Variants in EVC2 observed in about 807,000 individuals in gnomAD.
EVC2 encodes limbin.
In EVC2, 148 loss-of-function variants were observed where a neutral mutation model predicts 149.3. That is an observed-to-expected ratio of 0.99 (90% confidence interval 0.87 to 1.14). The LOEUF (loss-of-function observed/expected upper bound fraction) is 1.14. Among genes scored for constraint, EVC2 ranks in the 50% most tolerant of loss-of-function variants. EVC2 has a pLI of 0.00. For missense variants in EVC2, 1,854 were observed against 1,627.3 expected, an observed-to-expected ratio of 1.14 and a Z score of -2.40; for synonymous variants, 776 against 649.9, an observed-to-expected ratio of 1.19 and a Z score of -2.95.
At chr4:5,635,624 C>A (rs917021728) in intron 10 of EVC2, among the ~76,000 whole-genome samples, 1 of 152,184 alleles carries the variant, frequency 6.6e-6, no homozygotes, top group African/African-American at 2.4e-5. Flanking sequence ...TCGAAAGTGA[C>A]GACTGTGCTG....
chr4:5,584,923 T>C, intron 16 of EVC2, 73 bp from the exon 17 acceptor site: 1 of 1,524,838 alleles, frequency 6.6e-7, no homozygotes, highest in Non-Finnish European at 9.1e-7. Flanking sequence ...ACAAACAGCC[T>C]TTCAGAGTTC....
rs1164974506 is a variant in EVC2, at chr4:5,670,162, A to G, written c.871-4513T>C. 1.3e-5 allele frequency among the ~76,000 whole-genome samples: 2 copies of G among 152,214 alleles called. No individual in the cohort carries two copies. The highest frequency in any genetic ancestry group is 4.8e-5 in the African/African-American group (2 of 41,464). ...TTTTATGAGAAGAAGGAGGCTCCAT[A>G]TAATCACTACCATCACTATCATCAT... On this transcript the variant is annotated intron_variant, in intron 7 of 21. Coordinates refer to ENST00000344408, the MANE Select transcript of EVC2 (RefSeq NM_147127.5). The surrounding 1 kb of genome is among the most constrained non-coding windows in gnomAD (Gnocchi z 5.2).
intron 7 of EVC2, among the ~76,000 whole-genome samples, chr4:5,673,942 C>A (rs1041567430): frequency 6.6e-6 from 1 of 152,208 alleles, no homozygotes; most frequent in Non-Finnish European, 1.5e-5. Context: ...AAGAAGAGGA[C>A]ATTTCTTCAA....
Position 5,576,135 on chromosome 4 carries a change from A to G in EVC2, c.3272+105T>C. On this transcript the variant is annotated intron_variant, in intron 18 of 21. Coordinates refer to ENST00000344408, the MANE Select transcript of EVC2 (RefSeq NM_147127.5). The surrounding 1 kb of genome is among the most constrained non-coding windows in gnomAD (Gnocchi z 4.5). ...GCAATGGGATGACACCTTAGGCAAGAGGGTGAGAGCCCAGGTGGGTATGGG... is the reference window on the plus strand; with the variant it reads ...GCAATGGGATGACACCTTAGGCAAGGGGGTGAGAGCCCAGGTGGGTATGGG... 6.3e-7 allele frequency: 1 copy of G among 1,588,896 alleles called. No individual in the cohort carries two copies. Among genetic ancestry groups the G allele is most frequent in the East Asian group, 2.2e-5 (1 of 44,694 alleles).
At chr4:5,659,426 G>C (rs1451721996) in intron 9 of EVC2, among the ~76,000 whole-genome samples, 1 of 151,530 alleles carries the variant, frequency 6.6e-6, no homozygotes, top group African/African-American at 2.4e-5. Context: ...AAAAAAGACT[G>C]GGTTCTTAAA....
intron 21 of EVC2, among the ~76,000 whole-genome samples, chr4:5,552,407 A>C (rs13138291): frequency 0.2 from 30,127 of 152,198 alleles, 4,014 homozygotes; most frequent in Non-Finnish European, 0.29. Flanking sequence ...TATTTCTTAG[A>C]GTTAATAACT....
intron 21 of EVC2, among the ~76,000 whole-genome samples, chr4:5,547,076 G>T (rs1165014096): frequency 6.6e-6 from 1 of 152,212 alleles, no homozygotes; most frequent in East Asian, 1.9e-4. Flanking sequence ...GTCCAGGAAG[G>T]CCCCCATGCC....
chr4:5,669,474 G>A (rs952052459), intron 7 of EVC2, among the ~76,000 whole-genome samples: 1 of 152,212 alleles, frequency 6.6e-6, no homozygotes, highest in African/African-American at 2.4e-5. Context: ...TTACTGTCCA[G>A]GGGGCTGTAT....
chr4:5,622,870 T>A lies in EVC2; in HGVS notation c.2168A>T (p.Glu723Val). 2 of 1,614,090 alleles carry A rather than the reference T, an allele frequency of 1.2e-6. No individual in the cohort carries two copies. Among genetic ancestry groups the A allele is most frequent in the Non-Finnish European group, 1.7e-6 (2 of 1,180,012 alleles). ...LMEEHGATLE[E>V]LQERLDQAAL... ...GGCCTGGTCCAGACGCTCCTGCAGC[T>A]CCTCCAGGGTGGCACCGTGCTCCTC... Residue 723 changes from glutamate (E) to valine (V), a missense_variant, in exon 14 of 22, where the codon GAG becomes GTG. By Grantham distance (121) the Glu-to-Val change is moderately radical. Transcript: ENST00000344408. This position sits in a 1 kb window ranked among gnomAD's most constrained non-coding sequence, Gnocchi z 5.8.
rs182542898 is a variant in EVC2 at position 5,688,352 on chromosome 4, C to T, written c.706+805G>A. ...GAGAAGCATGACGGTTTAAAGGTTA[C>T]CACGGTGCACAGGGAGCCACACTGC... On this transcript the variant is annotated intron_variant, in intron 5 of 21. Coordinates refer to ENST00000344408, the MANE Select transcript of EVC2 (RefSeq NM_147127.5). Among the ~76,000 whole-genome samples, 6 of 152,216 alleles carry T rather than the reference C, an allele frequency of 3.9e-5. No individual in the cohort carries two copies. The East Asian group carries it at 9.7e-4, about 25-fold the overall frequency.
rs970154657 is a variant in EVC2, at chr4:5,568,426, C to A, written c.3557+18G>T. 9 of 1,541,810 alleles carry A rather than the reference C, an allele frequency of 5.8e-6. No individual in the cohort carries two copies. The Admixed American group carries it at 9.7e-5, about 17-fold the overall frequency. ...GACAGGGACGTGCCCCGGGAGGCAG[C>A]CCCTCCACGGCACTCACCTCCGCCT... On this transcript the variant is annotated intron_variant, in intron 20 of 21. Transcript: ENST00000344408.
intron 2 of EVC2, among the ~76,000 whole-genome samples, chr4:5,697,219 T>C (rs546463595): frequency 6.6e-6 from 1 of 152,370 alleles, no homozygotes; most frequent in South Asian, 2.1e-4. Context: ...GATGTTGGAC[T>C]TCTGCTTTCC....
In EVC2 at chr4:5,613,541, C is replaced by T. The variant is rs187765248; in HGVS notation, c.2829+1881G>A. Among the ~76,000 whole-genome samples, 1 of 152,240 alleles carries T rather than the reference C, an allele frequency of 6.6e-6. No individual in the cohort carries two copies. Among genetic ancestry groups the T allele is most frequent in the East Asian group, 1.9e-4 (1 of 5,158 alleles). ...AGCTCTCTCCTCTTCTTGCTGTAAA[C>T]TGGGAATAAACTGGGACAGCTTGGC... On this transcript the variant is annotated intron_variant, in intron 16 of 21. Transcript: ENST00000344408. This position sits in a 1 kb window ranked among gnomAD's most constrained non-coding sequence, Gnocchi z 4.6.
intron 21 of EVC2, among the ~76,000 whole-genome samples, chr4:5,554,101 T>A (rs1334962205): frequency 6.6e-6 from 1 of 152,114 alleles, no homozygotes; most frequent in Non-Finnish European, 1.5e-5. Context: ...CCAGTTTCAG[T>A]CCCAACATGT....
chr4:5,544,637 T>C (rs1721579116), intron 21 of EVC2, among the ~76,000 whole-genome samples: 1 of 152,012 alleles, frequency 6.6e-6, no homozygotes, highest in South Asian at 2.1e-4. Context: ...TCAGGACAAA[T>C]CACCAGAGTT....
In EVC2 at chr4:5,605,153, G is replaced by A. The variant is rs114828205; in HGVS notation, c.2829+10269C>T. ...CTCAACTGTTTATGTTATTTGTAAG[G>A]CTTCTGTCAACAGTAGGCTATTAGG... On this transcript the variant is annotated intron_variant, in intron 16 of 21. Coordinates refer to ENST00000344408, the MANE Select transcript of EVC2 (RefSeq NM_147127.5). Among the ~76,000 whole-genome samples the A allele has an allele frequency of 9.3e-3, 1,418 of 152,138 alleles. 12 individuals are homozygous for A. The highest frequency in any genetic ancestry group is 0.014 in the Non-Finnish European group (936 of 68,010).
chr4:5,653,578 C>T (rs1718292605), intron 9 of EVC2, among the ~76,000 whole-genome samples: 1 of 152,128 alleles, frequency 6.6e-6, no homozygotes, highest in African/African-American at 2.4e-5. Context: ...GTCTTTTCCT[C>T]TGGACAGAAA....
chr4:5,573,563 C>A (rs970437329), intron 19 of EVC2, among the ~76,000 whole-genome samples: 1 of 152,196 alleles, frequency 6.6e-6, no homozygotes, highest in Admixed American at 6.5e-5. Flanking sequence ...AGATTCTCCC[C>A]CTAAAGCTTC....
chr4:5,704,395 C>T (rs965018174), intron 1 of EVC2, among the ~76,000 whole-genome samples: 16 of 152,116 alleles, frequency 1.1e-4, no homozygotes, highest in Admixed American at 7.9e-4. Context: ...AAAGGAACCA[C>T]TGACAGGAAG....
Sources: allele counts gnomAD v4.1 joint callset (sites outside exome capture counted in the v4.1 genomes callset), GRCh38; gene constraint gnomAD v4.1.1; non-coding constraint Gnocchi (gnomAD v3.1); transcripts MANE v1.5; gene names NCBI Gene and HGNC (gene_info 2026-07-23, HGNC 2026-07-21).